RPN2: variants seen among roughly 807,000 people sequenced by gnomAD.
The protein encoded by RPN2 is dolichyl-diphosphooligosaccharide--protein glycosyltransferase subunit 2.
RPN2 carries 29 observed loss-of-function variants against 71.4 expected under a neutral mutation model. That is an observed-to-expected ratio of 0.41 (90% CI 0.30 to 0.55). The LOEUF is 0.55. Among genes scored for constraint, RPN2 ranks in the 20% least tolerant of loss-of-function variants. RPN2 has a pLI of 0.35. For missense variants in RPN2, 726 were observed against 774.1 expected (o/e 0.94, Z 0.74); for synonymous variants, 308 against 305.0 (o/e 1.01, Z -0.10).
chr20:37,179,531 C>T, intron 1 of RPN2, 162 bp downstream of exon 1: 1 of 1,400,414 alleles, frequency 7.1e-7, no homozygotes. Flanking sequence ...CGAAGGAGGG[C>T]TGCGAGCTGG....
At chr20:37,236,440 A>C in intron 15 of RPN2, 140 bp from the exon 16 acceptor site, 1 of 902,792 alleles carries the variant, frequency 1.1e-6, no homozygotes, top group Non-Finnish European at 1.8e-6. Flanking sequence ...ACTTTTTGGC[A>C]TCAGAGCAAA....
Position 37,241,395 on chromosome 20 carries a change from A to G in RPN2, c.*80A>G, listed in dbSNP as rs745951607. The G allele has an allele frequency of 1.3e-6, 2 of 1,497,554 alleles. No individual in the cohort carries two copies. Among genetic ancestry groups the G allele is most frequent in the South Asian group, 2.5e-5 (2 of 80,816 alleles). The allele number at this position is 1,497,554 out of a possible 1,614,324, so 92.8% of individuals were successfully genotyped here. ...AACAATTCACAGTATGAGAAGAAAA[A>G]TGGAAAAAAAAAACTTTATTTAAAA... On this transcript the variant is annotated 3_prime_UTR_variant, in exon 17 of 17. Transcript: ENST00000237530.
intron 9 of RPN2, among the ~76,000 whole-genome samples, chr20:37,214,431 G>A (rs11697645): frequency 0.73 from 111,358 of 152,082 alleles, 41,187 homozygotes; most frequent in Middle Eastern, 0.85. Context: ...TGGGAAAGAG[G>A]TAGTTCACCT....
At chr20:37,215,214 T>C (rs184878998) in intron 9 of RPN2, among the ~76,000 whole-genome samples, 1 of 152,324 alleles carries the variant, frequency 6.6e-6, no homozygotes, top group African/African-American at 2.4e-5. Context: ...CCTGTGACAC[T>C]TGCTTTCTTT....
rs2146522993 is a variant in RPN2 at position 37,187,807 on chromosome 20, A to G, written c.207+3434A>G. ...AGACGCGCACCACCATGCCTGGCTA[A>G]TTTTTTGTATTTTTTGGTAGAGATG... On this transcript the variant is annotated intron_variant, in intron 2 of 16. Coordinates refer to ENST00000237530, the MANE Select transcript of RPN2 (RefSeq NM_002951.5). Among the ~76,000 whole-genome samples, 3 of 151,712 alleles carry G rather than the reference A, an allele frequency of 2.0e-5. No homozygotes were observed. The South Asian group carries it at 6.3e-4, about 32-fold the overall frequency.
intron 2 of RPN2, among the ~76,000 whole-genome samples, chr20:37,189,266 T>C (rs905262097): frequency 5.9e-5 from 9 of 152,168 alleles, no homozygotes; most frequent in Non-Finnish European, 2.9e-5. Flanking sequence ...TCAATTGTTA[T>C]CCTTTTTGGT....
At chr20:37,226,818 G>C (rs189103321) in intron 11 of RPN2, among the ~76,000 whole-genome samples, 1 of 152,198 alleles carries the variant, frequency 6.6e-6, no homozygotes, top group African/African-American at 2.4e-5. Context: ...CATCCCCCTT[G>C]ATGGAGAATA....
intron 16 of RPN2, 116 bp downstream of exon 16, chr20:37,236,825 A>G: frequency 9.6e-7 from 1 of 1,045,318 alleles, no homozygotes; most frequent in Admixed American, 1.9e-5. Flanking sequence ...GGCAAGTCTG[A>G]CACCCTAATC....
At chr20:37,192,291 C>T (rs4812879) in intron 2 of RPN2, among the ~76,000 whole-genome samples, 112,746 of 152,134 alleles carry the variant, frequency 0.74, 42,222 homozygotes, top group Middle Eastern at 0.85. Context: ...CAATCCTTCA[C>T]GCAGTAATCA....
intron 6 of RPN2, 81 bp downstream of exon 6, chr20:37,204,982 G>A: frequency 6.3e-7 from 1 of 1,596,818 alleles, no homozygotes; most frequent in East Asian, 2.2e-5. Flanking sequence ...TATCAGAGAG[G>A]AATGTTCAGA....
chr20:37,180,941 T>G (rs183965498), intron 1 of RPN2, among the ~76,000 whole-genome samples: 4 of 152,228 alleles, frequency 2.6e-5, no homozygotes, highest in Admixed American at 6.5e-5. Flanking sequence ...AACTTTCCAG[T>G]GGTCTCCAGC....
Position 37,203,827 on chromosome 20 carries a change from G to T in RPN2, c.480-58G>T, listed in dbSNP as rs528849772. The T allele has an allele frequency of 3.4e-6, 4 of 1,162,816 alleles. No individual in the cohort carries two copies. In the East Asian group the frequency reaches 9.4e-5, roughly 27 times the overall value. 72.0% of individuals were successfully genotyped at this position (1,162,816 alleles called of 1,614,324 possible). On this transcript the variant is annotated intron_variant, in intron 4 of 16. Transcript: ENST00000237530. ...TGTGAAAGTGTCCAAGTACGGGAAGGGGTGAGTGGATGAAACAAGACTTGC... is the reference window on the plus strand; with the variant it reads ...TGTGAAAGTGTCCAAGTACGGGAAGTGGTGAGTGGATGAAACAAGACTTGC...
chr20:37,227,475 C>G (rs1639207904), intron 11 of RPN2, among the ~76,000 whole-genome samples: 6 of 152,302 alleles, frequency 3.9e-5, no homozygotes, highest in Middle Eastern at 6.8e-3. Context: ...CCGGTCTCCC[C>G]ATTCCATTCC....
intron 9 of RPN2, among the ~76,000 whole-genome samples, chr20:37,217,882 C>T (rs951104008): frequency 2.5e-4 from 38 of 151,936 alleles, no homozygotes; most frequent in Admixed American, 5.9e-4. Context: ...TACAGGTACA[C>T]GCCACCATGC....
chr20:37,204,938 G>T, intron 6 of RPN2, 37 bp downstream of exon 6: 1 of 1,613,896 alleles, frequency 6.2e-7, no homozygotes, highest in East Asian at 2.2e-5. Flanking sequence ...GAAACCCAAA[G>T]GGGTCATCAG....
At position 37,238,495 on chromosome 20, in the gene RPN2, C is replaced by T. The variant is rs555989642; in HGVS notation, c.1883+1786C>T. On this transcript the variant is annotated intron_variant, in intron 16 of 16. Transcript: ENST00000237530. ...CATCCCAGAAGCAGGGTCCCTTCCC[C>T]GTCTTGCCCGCCTCATGCATGTCAG... The T allele has an allele frequency of 9.0e-5, 123 of 1,372,058 alleles. 1 individual carries two copies. The South Asian group carries it at 1.2e-3, about 13-fold the overall frequency. 85.0% of individuals were successfully genotyped at this position (1,372,058 alleles called of 1,614,324 possible). A position where few individuals can be genotyped will look rare whatever the true frequency, so the allele number is the denominator to read the frequency against.
rs2067814354 is a variant in RPN2, at chr20:37,216,704, C to CG, written c.1092+2840dup. Among the ~76,000 whole-genome samples the CG allele has an allele frequency of 4.6e-5, 7 of 151,748 alleles. No homozygotes were observed. In the South Asian group the frequency reaches 1.5e-3, roughly 31 times the overall value. ...CTCCAACTTTTGGCCTCAAATGATC[C>CG]GCCTGCTTTGGCCCACCGACGTGTT... On this transcript the variant is annotated intron_variant, in intron 9 of 16. Transcript: ENST00000237530.
chr20:37,212,185 G>A (rs1217415004), intron 8 of RPN2, among the ~76,000 whole-genome samples: 1 of 152,108 alleles, frequency 6.6e-6, no homozygotes, highest in Non-Finnish European at 1.5e-5. Flanking sequence ...AGGCTGAGGT[G>A]GGAGGATCGC....
intron 9 of RPN2, among the ~76,000 whole-genome samples, chr20:37,219,184 T>A (rs1459555828): frequency 6.6e-6 from 1 of 152,222 alleles, no homozygotes; most frequent in Non-Finnish European, 1.5e-5. Context: ...CAACACTTGT[T>A]ATTATCTGAC....
Sources: gnomAD v4.1 joint callset for allele counts (sites outside exome capture counted in the v4.1 genomes callset) on GRCh38, gnomAD v4.1.1 for gene constraint, MANE v1.5 for transcripts, NCBI Gene and HGNC (gene_info 2026-07-23, HGNC 2026-07-21) for gene names.